Variants in C9 observed in about 807,000 individuals in gnomAD.
C9 encodes the protein complement component C9.
A neutral mutation model predicts 65.4 loss-of-function variants in C9; 63 were observed. The ratio of observed to expected loss-of-function variants is 0.96; its 90% CI spans 0.79 to 1.19. The LOEUF is 1.19. Ranked by LOEUF, C9 falls within the 50% of genes most tolerant of loss-of-function variation. The pLI, the probability that C9 is intolerant of heterozygous loss-of-function variation, is 0.00. For missense variants in C9, 744 were observed against 670.1 expected, an observed-to-expected ratio of 1.11 and a Z score of -1.22; for synonymous variants, 229 against 227.9, an observed-to-expected ratio of 1.00 and a Z score of -0.04.
intron 1 of C9, among the ~76,000 whole-genome samples, chr5:39,359,666 G>A (rs1754479682): frequency 6.6e-6 from 1 of 152,174 alleles, no homozygotes; most frequent in Admixed American, 6.5e-5. Flanking sequence ...CAAAGTGCTC[G>A]ATTAGGCTAG....
intron 10 of C9, among the ~76,000 whole-genome samples, chr5:39,287,788 A>G (rs889022988): frequency 2.6e-5 from 4 of 152,110 alleles, no homozygotes; most frequent in Middle Eastern, 6.8e-3. Flanking sequence ...ATGTATGGAC[A>G]TAAAGAAGGA....
chr5:39,344,074 A>G (rs547095925), intron 1 of C9, among the ~76,000 whole-genome samples: 1 of 152,320 alleles, frequency 6.6e-6, no homozygotes, highest in African/African-American at 2.4e-5. Flanking sequence ...AGATGGGGGA[A>G]AAACAGAGCA....
intron 1 of C9, among the ~76,000 whole-genome samples, chr5:39,347,426 C>A (rs1338869762): frequency 6.6e-6 from 1 of 152,158 alleles, no homozygotes; most frequent in East Asian, 1.9e-4. Context: ...TTCACAATTG[C>A]TTCAAAGAGA....
chr5:39,359,102 G>GTGTATATATATATATATATATATA (rs1407613505), intron 1 of C9, among the ~76,000 whole-genome samples: 18 of 103,652 alleles, frequency 1.7e-4, no homozygotes, highest in South Asian at 6.2e-4. Flanking sequence ...GTGTGTGTGT[G>GTGTATATATATATATATATATATA]TATATATATA....
intron 5 of C9, among the ~76,000 whole-genome samples, chr5:39,325,533 G>A (rs534366203): frequency 6.6e-6 from 1 of 152,224 alleles, no homozygotes; most frequent in Admixed American, 6.5e-5. Context: ...CTAGCACTTT[G>A]GGAGGCCGAG....
At position 39,288,938 on chromosome 5, in the gene C9, T is replaced by C; in HGVS notation, c.1430A>G (p.Tyr477Cys). 1.3e-6 allele frequency: 2 copies of C among 1,593,528 alleles called. No homozygotes were observed. The highest frequency in any genetic ancestry group is 1.7e-5 in the Admixed American group (1 of 59,778). ...TTTCATTTTCACTGGAACCAGATTA[T>C]ATATAGGAGACAGCTGAAAGGAAGC... The part of the protein sequence containing the change: ...VLISQKLSPI[Y>C]NLVPVKMKNA... The change falls in exon 10 of 11, where the codon TAT becomes TGT. Residue 477 changes from tyrosine (Y) to cysteine (C), a missense_variant. By Grantham distance (194) the Tyr-to-Cys change is radical. Coordinates refer to ENST00000263408, the MANE Select transcript of C9 (RefSeq NM_001737.5).
At chr5:39,298,718 A>G (rs904337496) in intron 9 of C9, among the ~76,000 whole-genome samples, 1 of 151,866 alleles carries the variant, frequency 6.6e-6, no homozygotes, top group African/African-American at 2.4e-5. Context: ...TAAAATAGAG[A>G]AGAATTTACT....
chr5:39,349,874 A>T (rs974449219), intron 1 of C9, among the ~76,000 whole-genome samples: 59 of 152,072 alleles, frequency 3.9e-4, no homozygotes, highest in African/African-American at 1.4e-3. Context: ...AGTCCTTGAA[A>T]TACTAATTTT....
intron 9 of C9, among the ~76,000 whole-genome samples, chr5:39,289,772 C>T (rs1489312331): frequency 6.6e-6 from 1 of 151,718 alleles, no homozygotes; most frequent in Non-Finnish European, 1.5e-5. Context: ...ATTGAGGTAA[C>T]TACGATGAAC....
At chr5:39,359,434 T>A (rs865903370) in intron 1 of C9, among the ~76,000 whole-genome samples, 26 of 152,000 alleles carry the variant, frequency 1.7e-4, no homozygotes, top group African/African-American at 6.3e-4. Flanking sequence ...TGTGGGGATG[T>A]CGGCGTATAA....
intron 5 of C9, among the ~76,000 whole-genome samples, chr5:39,330,834 G>A (rs1753826581): frequency 6.6e-6 from 1 of 152,126 alleles, no homozygotes; most frequent in Admixed American, 6.5e-5. Flanking sequence ...ATTGCTTCTG[G>A]CTGCAATATG....
chr5:39,348,247 G>A (rs1219255994), intron 1 of C9, among the ~76,000 whole-genome samples: 2 of 152,082 alleles, frequency 1.3e-5, no homozygotes, highest in South Asian at 4.2e-4. Flanking sequence ...TACAGAATGG[G>A]AGAAAATTTT....
At chr5:39,305,520 T>C (rs1359553458) in intron 9 of C9, among the ~76,000 whole-genome samples, 2 of 152,020 alleles carry the variant, frequency 1.3e-5, no homozygotes, top group Non-Finnish European at 2.9e-5. Flanking sequence ...AAATGTGACC[T>C]GAGGAAAGCA....
chr5:39,357,390 C>T (rs548687483), intron 1 of C9, among the ~76,000 whole-genome samples: 1 of 152,106 alleles, frequency 6.6e-6, no homozygotes, highest in Non-Finnish European at 1.5e-5. Flanking sequence ...CGAACCTTTC[C>T]TGATTTCTCA....
intron 8 of C9, 140 bp downstream of exon 8, chr5:39,308,090 G>T: frequency 1.2e-6 from 1 of 807,202 alleles, no homozygotes; most frequent in Non-Finnish European, 2.2e-6. Context: ...GTTTATAGTG[G>T]TTTGAAAACC....
At chr5:39,349,027 G>A (rs888248586) in intron 1 of C9, among the ~76,000 whole-genome samples, 1 of 151,102 alleles carries the variant, frequency 6.6e-6, no homozygotes, top group Non-Finnish European at 1.5e-5. Flanking sequence ...GTTGTGGGGT[G>A]GGGGGGAGGG....
Position 39,301,059 on chromosome 5 carries a change from C to A in C9, c.1416+5558G>T, listed in dbSNP as rs566330417. On this transcript the variant is annotated intron_variant, in intron 9 of 10. Transcript: ENST00000263408. ...AGTATCAAGGCCTTGAGGTAGGAAACAACTTTAATTCAAACATTAAAAGCA... is the reference window on the plus strand; with the variant it reads ...AGTATCAAGGCCTTGAGGTAGGAAAAAACTTTAATTCAAACATTAAAAGCA... 3.9e-5 allele frequency among the ~76,000 whole-genome samples: 6 copies of A among 152,068 alleles called. No homozygotes were observed. In the East Asian group the frequency reaches 1.2e-3, roughly 29 times the overall value.
chr5:39,290,232 G>A (rs776612930), intron 9 of C9, among the ~76,000 whole-genome samples: 1 of 151,800 alleles, frequency 6.6e-6, no homozygotes, highest in Non-Finnish European at 1.5e-5. Context: ...TGTGCAGCTT[G>A]ATGATCATAG....
At chr5:39,310,798 G>C (rs969805887) in intron 7 of C9, among the ~76,000 whole-genome samples, 3 of 152,140 alleles carry the variant, frequency 2.0e-5, no homozygotes, top group African/African-American at 7.2e-5. Flanking sequence ...TATTGATTAA[G>C]AAGTAGGTTA....
Sources: allele counts gnomAD v4.1 joint callset (sites outside exome capture counted in the v4.1 genomes callset), GRCh38; gene constraint gnomAD v4.1.1; transcripts MANE v1.5; gene names NCBI Gene and HGNC (gene_info 2026-07-23, HGNC 2026-07-21).